CTNNA3: variants seen among roughly 807,000 people sequenced by gnomAD.
CTNNA3 encodes catenin alpha-3.
In CTNNA3, 76 loss-of-function variants were observed where a neutral mutation model predicts 95.7. The observed-to-expected ratio is 0.79, with a 90% confidence interval of 0.66 to 0.96. The LOEUF (loss-of-function observed/expected upper bound fraction) is 0.96, where lower values mean the gene tolerates loss of function less well. Ranked by LOEUF, CTNNA3 falls within the 40% of genes least tolerant of loss-of-function variation. The probability of loss-of-function intolerance (pLI) is 0.00; values close to 1 mark genes in which losing one functional copy is unlikely to be tolerated. For missense variants in CTNNA3, 1,191 were observed against 1,089.8 expected (o/e 1.09, Z -1.31); for synonymous variants, 431 against 374.4 (o/e 1.15, Z -1.74).
chr10:66,131,712 A>G (rs1434163165), intron 13 of CTNNA3, among the ~76,000 whole-genome samples: 2 of 152,152 alleles, frequency 1.3e-5, no homozygotes, highest in Non-Finnish European at 2.9e-5. Context: ...ACACAGACCA[A>G]TGGAATAGAG....
chr10:67,188,433 T>TTCACAGAATTCTTAGGGAGGGA, intron 6 of CTNNA3, among the ~76,000 whole-genome samples: 1 of 152,152 alleles, frequency 6.6e-6, no homozygotes, highest in Non-Finnish European at 1.5e-5. Flanking sequence ...AAACCAGTCA[T>TTCACAGAATTCTTAGGGAGGGA]TCACAGAATT....
intron 7 of CTNNA3, among the ~76,000 whole-genome samples, chr10:66,923,755 T>C (rs780378063): frequency 6.6e-6 from 1 of 152,244 alleles, no homozygotes; most frequent in Non-Finnish European, 1.5e-5. Context: ...TTCTCCAAAA[T>C]TGTTTCCAGT....
rs114710044 is a variant in CTNNA3 at position 66,897,104 on chromosome 10, G to A, written c.1048-121580C>T. ...AATGAGATTACCCATCCTGAATCCT[G>A]ATAGGTCTCATGCTTAAAATGTCTG... On this transcript the variant is annotated intron_variant, in intron 7 of 17. Coordinates refer to ENST00000433211, the MANE Select transcript of CTNNA3 (RefSeq NM_013266.4). Among the ~76,000 whole-genome samples the A allele has an allele frequency of 4.5e-3, 685 of 152,228 alleles. 5 individuals carry two copies. Among genetic ancestry groups the A allele is most frequent in the African/African-American group, 0.016 (655 of 41,524 alleles).
chr10:66,989,210 T>C (rs1428227973), intron 7 of CTNNA3, among the ~76,000 whole-genome samples: 2 of 152,292 alleles, frequency 1.3e-5, no homozygotes, highest in Non-Finnish European at 2.9e-5. Flanking sequence ...CTTTCTCCAA[T>C]TGACTGTAGC....
intron 11 of CTNNA3, among the ~76,000 whole-genome samples, chr10:66,508,871 C>T (rs1482192087): frequency 6.6e-6 from 1 of 152,038 alleles, no homozygotes; most frequent in African/African-American, 2.4e-5. Context: ...TTCTTTAATA[C>T]AATGATTTCC....
At chr10:67,070,704 G>C (rs571263397) in intron 7 of CTNNA3, among the ~76,000 whole-genome samples, 3 of 151,226 alleles carry the variant, frequency 2.0e-5, no homozygotes, top group Admixed American at 6.6e-5. Context: ...CTGAGGTCAC[G>C]CCACTGCACT....
At chr10:66,757,450 T>G (rs958376202) in intron 9 of CTNNA3, among the ~76,000 whole-genome samples, 1 of 152,176 alleles carries the variant, frequency 6.6e-6, no homozygotes, top group African/African-American at 2.4e-5. Flanking sequence ...ATGGACTACT[T>G]GTACTTTCTC....
At chr10:66,268,638 A>T (rs766382502) in intron 13 of CTNNA3, among the ~76,000 whole-genome samples, 13 of 152,184 alleles carry the variant, frequency 8.5e-5, no homozygotes, top group South Asian at 8.3e-4. Flanking sequence ...TAATAACTGG[A>T]ACAAAGAGTG....
intron 5 of CTNNA3, among the ~76,000 whole-genome samples, chr10:67,315,821 T>A (rs984746705): frequency 6.6e-6 from 1 of 152,148 alleles, no homozygotes; most frequent in African/African-American, 2.4e-5. Context: ...TTGTTATTTT[T>A]TCATCTTTTA....
At chr10:66,265,160 G>C (rs1167655492) in intron 13 of CTNNA3, among the ~76,000 whole-genome samples, 1 of 151,840 alleles carries the variant, frequency 6.6e-6, no homozygotes, top group Non-Finnish European at 1.5e-5. Context: ...TTCCCACCTT[G>C]AGTTATCCAC....
chr10:67,213,981 C>A (rs899103625), intron 6 of CTNNA3, among the ~76,000 whole-genome samples: 8 of 151,638 alleles, frequency 5.3e-5, no homozygotes, highest in Admixed American at 2.6e-4. Flanking sequence ...TGTTGGATAT[C>A]GTTTTATCCT....
At chr10:66,264,563 A>C (rs1564825188) in intron 13 of CTNNA3, among the ~76,000 whole-genome samples, 1 of 152,014 alleles carries the variant, frequency 6.6e-6, no homozygotes, top group Non-Finnish European at 1.5e-5. Flanking sequence ...ATATAAATAT[A>C]TTTGAGATAT....
In CTNNA3 at chr10:66,313,199, A is replaced by G. The variant is rs539768442; in HGVS notation, c.1733-32578T>C. ...GCCTTTAGTTCTGACAAAAAGTCCT[A>G]TGATGTGGGTATTATTATCTTTGAA... On this transcript the variant is annotated intron_variant, in intron 12 of 17. Coordinates refer to ENST00000433211, the MANE Select transcript of CTNNA3 (RefSeq NM_013266.4). 1.7e-3 allele frequency among the ~76,000 whole-genome samples: 261 copies of G among 152,300 alleles called. 2 individuals are homozygous for G. Among genetic ancestry groups the G allele is most frequent in the African/African-American group, 6.1e-3 (255 of 41,566 alleles).
rs138788899 is a variant in CTNNA3, at chr10:67,030,991, C to T, written c.1047+149326G>A. ...TGCACTCCAGCCTGGGCAACAAGAG[C>T]GAAACTCCGTCTCAAAAAAATAAAT... On this transcript the variant is annotated intron_variant, in intron 7 of 17. Transcript: ENST00000433211. Among the ~76,000 whole-genome samples, 874 of 151,972 alleles carry T rather than the reference C, an allele frequency of 5.8e-3. 7 individuals carry two copies. The highest frequency in any genetic ancestry group is 9.8e-3 in the Non-Finnish European group (669 of 67,974).
chr10:66,791,315 CA>C (rs1429388960), intron 7 of CTNNA3, among the ~76,000 whole-genome samples: 1 of 152,146 alleles, frequency 6.6e-6, no homozygotes, highest in Non-Finnish European at 1.5e-5. Flanking sequence ...CATCTCAAGC[CA>C]CCTCTTCTCT....
intron 1 of CTNNA3, among the ~76,000 whole-genome samples, chr10:67,711,645 CATATGT>C (rs1841110008): frequency 6.6e-6 from 1 of 151,746 alleles, no homozygotes; most frequent in East Asian, 1.9e-4. Flanking sequence ...AGGTTAGTTA[CATATGT>C]ATACATGTGC....
intron 12 of CTNNA3, among the ~76,000 whole-genome samples, chr10:66,323,522 A>G (rs2092216963): frequency 6.6e-6 from 1 of 151,742 alleles, no homozygotes; most frequent in African/African-American, 2.4e-5. Flanking sequence ...GTGGTGCCAT[A>G]TGCCTGTAGT....
At chr10:66,231,874 ACTC>A (rs1325232148) in intron 13 of CTNNA3, among the ~76,000 whole-genome samples, 3 of 151,856 alleles carry the variant, frequency 2.0e-5, no homozygotes, top group East Asian at 3.9e-4. Context: ...TTCTCTCTCT[ACTC>A]CTCCTCCTTA....
At chr10:66,410,942 G>C (rs2093099654) in intron 11 of CTNNA3, among the ~76,000 whole-genome samples, 1 of 152,144 alleles carries the variant, frequency 6.6e-6, no homozygotes. Context: ...ATATATAGAA[G>C]AGTATAGAGA....
Sources: gnomAD v4.1 joint callset for allele counts (sites outside exome capture counted in the v4.1 genomes callset) on GRCh38, gnomAD v4.1.1 for gene constraint, MANE v1.5 for transcripts, NCBI Gene and HGNC (gene_info 2026-07-23, HGNC 2026-07-21) for gene names.